The following SLC35F4 variants were observed in gnomAD, a reference collection of about 807,000 sequenced individuals.
SLC35F4 encodes chromosome 14 open reading frame 36.
A neutral mutation model predicts 44.2 loss-of-function variants in SLC35F4; 24 were observed. That is an observed-to-expected ratio of 0.54 (90% CI 0.39 to 0.76). SLC35F4 has a LOEUF of 0.76. Ranked by LOEUF, SLC35F4 falls within the 30% of genes least tolerant of loss-of-function variation. SLC35F4 has a pLI of 0.00. For missense variants in SLC35F4, 562 were observed against 586.1 expected, an observed-to-expected ratio of 0.96 and a Z score of 0.42; for synonymous variants, 238 against 223.6, an observed-to-expected ratio of 1.06 and a Z score of -0.57.
chr14:57,627,567 G>A (rs1477816574), intron 1 of SLC35F4, among the ~76,000 whole-genome samples: 1 of 152,158 alleles, frequency 6.6e-6, no homozygotes, highest in African/African-American at 2.4e-5. Context: ...GGGCTTTTGG[G>A]CTGACTGGTT....
At chr14:57,665,144 C>T (rs770360284) in intron 1 of SLC35F4, among the ~76,000 whole-genome samples, 7 of 152,088 alleles carry the variant, frequency 4.6e-5, no homozygotes, top group African/African-American at 1.2e-4. Context: ...ACCACCACCC[C>T]GCACACACAC....
At chr14:57,619,236 T>C (rs1056155080) in intron 1 of SLC35F4, among the ~76,000 whole-genome samples, 5 of 152,174 alleles carry the variant, frequency 3.3e-5, no homozygotes, top group African/African-American at 1.2e-4. Flanking sequence ...ACCCCATTTA[T>C]CCTGACTGGA....
chr14:57,749,189 T>C (rs2076826824), intron 1 of SLC35F4, among the ~76,000 whole-genome samples: 8 of 151,966 alleles, frequency 5.3e-5, no homozygotes, highest in Admixed American at 5.3e-4. Flanking sequence ...CCAAATGTCC[T>C]TTTTTTTGTG....
intron 1 of SLC35F4, among the ~76,000 whole-genome samples, chr14:57,807,293 A>G (rs552889352): frequency 2.0e-5 from 3 of 149,480 alleles, no homozygotes; most frequent in African/African-American, 7.7e-5. Context: ...CTCCTCCTGG[A>G]GGGGAATTCT....
rs186909161 is a variant in SLC35F4 at position 57,780,768 on chromosome 14, A to G, written c.103+84955T>C. Among the ~76,000 whole-genome samples the G allele has an allele frequency of 2.1e-3, 319 of 152,186 alleles. 1 individual carries two copies. The highest frequency in any genetic ancestry group is 7.0e-3 in the African/African-American group (289 of 41,550). On this transcript the variant is annotated intron_variant, in intron 1 of 7. Coordinates refer to ENST00000556826, the MANE Select transcript of SLC35F4 (RefSeq NM_001306087.2). ...TAAAACATAAGACACATATAAAAAC[A>G]TAGACCAAGGGAACAGAATAGAGAG...
chr14:57,702,934 T>C (rs1198809789), intron 1 of SLC35F4, among the ~76,000 whole-genome samples: 2 of 152,164 alleles, frequency 1.3e-5, no homozygotes. Context: ...ACATTTTCTG[T>C]GGGTTGTTGG....
intron 1 of SLC35F4, among the ~76,000 whole-genome samples, chr14:57,743,476 A>C (rs1190737982): frequency 6.6e-6 from 1 of 152,224 alleles, no homozygotes; most frequent in Non-Finnish European, 1.5e-5. Flanking sequence ...AAAATCTAGA[A>C]GAAATGGATA....
At chr14:57,655,231 A>G (rs2073925957) in intron 1 of SLC35F4, among the ~76,000 whole-genome samples, 1 of 152,202 alleles carries the variant, frequency 6.6e-6, no homozygotes, top group Non-Finnish European at 1.5e-5. Flanking sequence ...TGAAAAATAA[A>G]TAAATTATAA....
intron 1 of SLC35F4, among the ~76,000 whole-genome samples, chr14:57,944,320 TTAACCCGA>T (rs1889969408): frequency 6.6e-6 from 1 of 152,186 alleles, no homozygotes; most frequent in Non-Finnish European, 1.5e-5. Flanking sequence ...TACAAATGTG[TTAACCCGA>T]TAACTCCTCC....
chr14:57,603,449 CAG>C (rs1343349493), intron 1 of SLC35F4, among the ~76,000 whole-genome samples: 2 of 152,278 alleles, frequency 1.3e-5, no homozygotes, highest in East Asian at 3.9e-4. Flanking sequence ...TAATGGGAAA[CAG>C]TGCCCTACAT....
chr14:57,803,234 G>T (rs185786048), intron 1 of SLC35F4, among the ~76,000 whole-genome samples: 3 of 152,162 alleles, frequency 2.0e-5, no homozygotes, highest in African/African-American at 7.2e-5. Flanking sequence ...TGCAGAAAAG[G>T]CCTTTGATAA....
At chr14:57,717,432 C>G (rs769695509) in intron 1 of SLC35F4, among the ~76,000 whole-genome samples, 2 of 152,026 alleles carry the variant, frequency 1.3e-5, no homozygotes, top group African/African-American at 4.8e-5. Flanking sequence ...GTCAGGAGAT[C>G]GAGACCATCC....
At chr14:57,845,163 A>T (rs1885896402) in intron 1 of SLC35F4, among the ~76,000 whole-genome samples, 1 of 152,184 alleles carries the variant, frequency 6.6e-6, no homozygotes, top group African/African-American at 2.4e-5. Flanking sequence ...GAGGAGGAAA[A>T]ATAACTGAGC....
At chr14:57,793,498 T>C (rs1420208088) in intron 1 of SLC35F4, among the ~76,000 whole-genome samples, 1 of 152,156 alleles carries the variant, frequency 6.6e-6, no homozygotes, top group Non-Finnish European at 1.5e-5. Flanking sequence ...ATTTGGTATT[T>C]GGTTTTCTGT....
At chr14:57,565,595 C>T (rs750285209) in intron 7 of SLC35F4, among the ~76,000 whole-genome samples, 6 of 152,208 alleles carry the variant, frequency 3.9e-5, no homozygotes, top group Admixed American at 6.5e-5. Context: ...GATGAATGAA[C>T]GAAACTCCTT....
chr14:57,906,290 C>A (rs912440168), intron 1 of SLC35F4, among the ~76,000 whole-genome samples: 1 of 152,226 alleles, frequency 6.6e-6, no homozygotes, highest in Non-Finnish European at 1.5e-5. Flanking sequence ...TGAGACTGTG[C>A]AGCCACATAG....
chr14:57,651,807 C>T (rs62003991), intron 1 of SLC35F4, among the ~76,000 whole-genome samples: 13,105 of 152,144 alleles, frequency 0.086, 679 homozygotes, highest in Non-Finnish European at 0.12. Context: ...AGCAGAGGGG[C>T]GTGAAATACT....
At chr14:57,686,795 C>G (rs1332209598) in intron 1 of SLC35F4, among the ~76,000 whole-genome samples, 1 of 151,910 alleles carries the variant, frequency 6.6e-6, no homozygotes, top group Non-Finnish European at 1.5e-5. Context: ...TTGTGAAAGT[C>G]TTTATTAATT....
intron 1 of SLC35F4, among the ~76,000 whole-genome samples, chr14:57,954,516 T>G (rs1890201417): frequency 6.6e-6 from 1 of 151,948 alleles, no homozygotes; most frequent in Admixed American, 6.6e-5. Flanking sequence ...ACAAAATAGA[T>G]AGACCGCCAG....
Sources: allele counts gnomAD v4.1 joint callset (sites outside exome capture counted in the v4.1 genomes callset), GRCh38; gene constraint gnomAD v4.1.1; transcripts MANE v1.5; gene names NCBI Gene and HGNC (gene_info 2026-07-23, HGNC 2026-07-21).